NACC2: variants seen among roughly 807,000 people sequenced by gnomAD.
NACC2 encodes nucleus accumbens-associated protein 2.
NACC2 carries 8 observed loss-of-function variants against 25.1 expected under a neutral mutation model. The ratio of observed to expected loss-of-function variants is 0.32; its 90% CI spans 0.19 to 0.57. The LOEUF (loss-of-function observed/expected upper bound fraction) is 0.57. Ranked by LOEUF, NACC2 falls within the 20% of genes least tolerant of loss-of-function variation. NACC2 has a pLI of 0.89. For synonymous variants in NACC2, 435 were observed against 294.7 expected (o/e 1.48, Z -4.88); for missense variants, 644 against 650.2 (o/e 0.99, Z 0.10).
chr9:136,092,863 A>G (rs527607083), intron 1 of NACC2, among the ~76,000 whole-genome samples: 132 of 152,306 alleles, frequency 8.7e-4, no homozygotes, highest in Non-Finnish European at 1.5e-3. Context: ...CCACAGTCCA[A>G]CTGGATCTCG....
rs1038589358 is a variant in NACC2, at chr9:136,013,511, G to A, written c.1158-215C>T. Among the ~76,000 whole-genome samples, 2 of 152,240 alleles carry A rather than the reference G, an allele frequency of 1.3e-5. No homozygotes were observed. Among genetic ancestry groups the A allele is most frequent in the Non-Finnish European group, 2.9e-5 (2 of 68,048 alleles). On this transcript the variant is annotated intron_variant, in intron 4 of 5. Transcript: ENST00000277554. The surrounding 1 kb of genome is among the most constrained non-coding windows in gnomAD (Gnocchi z 6.6). ...GAGAAGATGACCGGGTGATGGGGCTGCAAGGTGACCTGAGCCTTGTCCTCA... is the reference window on the plus strand; with the variant it reads ...GAGAAGATGACCGGGTGATGGGGCTACAAGGTGACCTGAGCCTTGTCCTCA...
chr9:136,031,201 A>C (rs1588563734), intron 2 of NACC2, among the ~76,000 whole-genome samples: 1 of 152,360 alleles, frequency 6.6e-6, no homozygotes, highest in African/African-American at 2.4e-5. Context: ...ATTAAAGACA[A>C]GGAAATAATT....
At position 136,011,744 on chromosome 9, in the gene NACC2, G is replaced by A. The variant is rs200910441; in HGVS notation, c.1536C>T (p.Asp512=). The A allele has an allele frequency of 8.8e-5, 135 of 1,540,298 alleles. No individual in the cohort carries two copies. Among genetic ancestry groups the A allele is most frequent in the African/African-American group, 8.1e-4 (58 of 71,848 alleles). ...DAATIVALRT[D]AVNVDLSAAA... ...CGGCACTCAGGTCAACATTCACGGC[G>A]TCAGTTCTCAGAGCCACGATGGTGG... Residue 512 remains aspartate (D), a synonymous_variant, in exon 6 of 6, where the codon GAC becomes GAT. Transcript: ENST00000277554.
At position 136,018,810 on chromosome 9, in the gene NACC2, C is replaced by T. The variant is rs1223219812; in HGVS notation, c.887-2381G>A. On this transcript the variant is annotated intron_variant, in intron 2 of 5. Coordinates refer to ENST00000277554, the MANE Select transcript of NACC2 (RefSeq NM_144653.5). This position sits in a 1 kb window ranked among gnomAD's most constrained non-coding sequence, Gnocchi z 4.4. The stretch of plus-strand genomic sequence containing the variant: ...ATTTTAAAACATAATTACACACCCC[C>T]ACCCCCGGTGCAGCCTGCTGTGATT... Among the ~76,000 whole-genome samples, 4 of 152,184 alleles carry T rather than the reference C, an allele frequency of 2.6e-5. No homozygotes were observed. Among genetic ancestry groups the T allele is most frequent in the African/African-American group, 9.7e-5 (4 of 41,430 alleles).
chr9:136,080,148 G>C (rs559762892), intron 1 of NACC2, among the ~76,000 whole-genome samples: 1 of 152,330 alleles, frequency 6.6e-6, no homozygotes, highest in South Asian at 2.1e-4. Flanking sequence ...AAAGCCAACG[G>C]TTTGACCACA....
chr9:136,094,243 GC>G (rs2131196163), intron 1 of NACC2, among the ~76,000 whole-genome samples: 1 of 152,330 alleles, frequency 6.6e-6, no homozygotes, highest in South Asian at 2.1e-4. Flanking sequence ...GAGGCCCCGC[GC>G]GGGGGTTGGG....
intron 3 of NACC2, among the ~76,000 whole-genome samples, chr9:136,015,172 C>T (rs541973278): frequency 1.3e-5 from 2 of 152,308 alleles, no homozygotes; most frequent in South Asian, 2.1e-4. Flanking sequence ...CCCCACACCC[C>T]AAACAGAGGC....
intron 1 of NACC2, among the ~76,000 whole-genome samples, chr9:136,066,202 A>G (rs775642053): frequency 2.1e-4 from 27 of 126,194 alleles, no homozygotes; most frequent in Admixed American, 4.8e-4. Context: ...CAAAAAAAAA[A>G]AAAGAAAGAA....
At chr9:136,060,597 A>G (rs1840995741) in intron 1 of NACC2, among the ~76,000 whole-genome samples, 1 of 152,234 alleles carries the variant, frequency 6.6e-6, no homozygotes, top group African/African-American at 2.4e-5. Context: ...TGGCCCGAGA[A>G]GGCCAAGCCC....
chr9:136,058,278 G>A (rs537694008), intron 1 of NACC2, among the ~76,000 whole-genome samples: 4 of 152,332 alleles, frequency 2.6e-5, no homozygotes, highest in South Asian at 4.1e-4. Flanking sequence ...GCAGACACCC[G>A]CAGCACCTCA....
At chr9:136,014,220 GC>G (rs1416695806) in intron 3 of NACC2, among the ~76,000 whole-genome samples, 1 of 151,920 alleles carries the variant, frequency 6.6e-6, no homozygotes, top group African/African-American at 2.4e-5. Context: ...AAGCCACAGC[GC>G]CCCCCACCCT....
Position 136,051,372 on chromosome 9 carries a change from G to T in NACC2, c.-59-792C>A, listed in dbSNP as rs1044552752. 1.7e-3 allele frequency among the ~76,000 whole-genome samples: 257 copies of T among 152,300 alleles called. 2 individuals carry two copies. The highest frequency in any genetic ancestry group is 5.9e-3 in the African/African-American group (244 of 41,560). The stretch of plus-strand genomic sequence containing the variant: ...CTCGCGGACGCCCCCCACCCCGCTC[G>T]CCTCGCTCCCCACGCGGGCCAATCC... On this transcript the variant is annotated intron_variant, in intron 1 of 5. Transcript: ENST00000277554.
chr9:136,042,919 C>A (rs938847244), intron 2 of NACC2, among the ~76,000 whole-genome samples: 4 of 149,788 alleles, frequency 2.7e-5, no homozygotes, highest in African/African-American at 7.4e-5. Flanking sequence ...GACACAGAGA[C>A]AAACAGACAC....
chr9:136,034,802 C>T (rs1286880385), intron 2 of NACC2, among the ~76,000 whole-genome samples: 3 of 152,088 alleles, frequency 2.0e-5, no homozygotes, highest in African/African-American at 7.2e-5. Context: ...TAGAAATAAT[C>T]ATAATTGGGG....
chr9:136,080,099 C>T (rs575883573), intron 1 of NACC2, among the ~76,000 whole-genome samples: 6 of 152,198 alleles, frequency 3.9e-5, no homozygotes. Flanking sequence ...CTACCCCGGG[C>T]GTGGCTGCCA....
rs773330501 is a variant in NACC2, at chr9:136,084,852, G to C, written c.-60+10337C>G. ...CAGTCACACGAGGACACCCCCTGTG[G>C]GACTCCACTCACATGCAGTCCCGGA... On this transcript the variant is annotated intron_variant, in intron 1 of 5. Transcript: ENST00000277554. This position sits in a 1 kb window ranked among gnomAD's most constrained non-coding sequence, Gnocchi z 5.1. 2.0e-5 allele frequency among the ~76,000 whole-genome samples: 3 copies of C among 152,198 alleles called. No individual in the cohort carries two copies. The highest frequency in any genetic ancestry group is 4.4e-5 in the Non-Finnish European group (3 of 68,038).
At position 136,016,137 on chromosome 9, in the gene NACC2, T is replaced by C. The variant is rs1279827129; in HGVS notation, c.1051+128A>G. On this transcript the variant is annotated intron_variant, in intron 3 of 5. Coordinates refer to ENST00000277554, the MANE Select transcript of NACC2 (RefSeq NM_144653.5). ...ATGACACATTCTTCTAAAAGGAAAT[T>C]AGAGGAAATTTAAGATTTTTTTTTT... is the stretch of plus-strand genomic sequence containing the variant. 5 of 997,804 alleles carry C rather than the reference T, an allele frequency of 5.0e-6. No homozygotes were observed. In the East Asian group the frequency reaches 1.0e-4, roughly 21 times the overall value. 61.8% of individuals were successfully genotyped at this position (997,804 alleles called of 1,614,324 possible).
At chr9:136,068,037 G>A (rs1208267823) in intron 1 of NACC2, among the ~76,000 whole-genome samples, 2 of 152,156 alleles carry the variant, frequency 1.3e-5, no homozygotes, top group African/African-American at 4.8e-5. Context: ...GATTAAAAAT[G>A]GTACAACTCT....
chr9:136,093,321 G>A (rs185558461), intron 1 of NACC2, among the ~76,000 whole-genome samples: 9 of 152,304 alleles, frequency 5.9e-5, no homozygotes, highest in Admixed American at 3.9e-4. Flanking sequence ...ACAAAGGGAG[G>A]ATTGAAGAAT....
Sources: allele counts gnomAD v4.1 joint callset (sites outside exome capture counted in the v4.1 genomes callset), GRCh38; gene constraint gnomAD v4.1.1; non-coding constraint Gnocchi (gnomAD v3.1); transcripts MANE v1.5; gene names NCBI Gene and HGNC (gene_info 2026-07-23, HGNC 2026-07-21).